Variants in BCAT1 observed in about 807,000 individuals in gnomAD.
The protein encoded by BCAT1 is branched-chain-amino-acid aminotransferase, cytosolic.
In BCAT1, 48 loss-of-function variants were observed where a neutral mutation model predicts 52.4. The observed-to-expected ratio is 0.92, with a 90% CI of 0.73 to 1.16. BCAT1 has a LOEUF of 1.16. BCAT1 is among the 50% of genes most tolerant of loss of function. BCAT1 has a pLI of 0.00. For missense variants in BCAT1, 451 were observed against 457.1 expected, an observed-to-expected ratio of 0.99 and a Z score of 0.12; for synonymous variants, 167 against 161.3, an observed-to-expected ratio of 1.04 and a Z score of -0.27.
intron 6 of BCAT1, among the ~76,000 whole-genome samples, chr12:24,845,672 G>A (rs1941323462): frequency 1.3e-5 from 2 of 152,096 alleles, no homozygotes; most frequent in Admixed American, 1.3e-4. Context: ...TATCTCATTG[G>A]GTTGCTTGGA....
intron 5 of BCAT1, among the ~76,000 whole-genome samples, chr12:24,876,947 C>T (rs1165470441): frequency 2.0e-5 from 3 of 151,342 alleles, no homozygotes; most frequent in Non-Finnish European, 4.4e-5. Context: ...TACCCTGGAA[C>T]TTAAAAGCTG....
chr12:24,930,729 A>C (rs1172752782), intron 1 of BCAT1, among the ~76,000 whole-genome samples: 2 of 152,080 alleles, frequency 1.3e-5, no homozygotes, highest in African/African-American at 2.4e-5. Context: ...CTTTCTGTTC[A>C]ATTTCCAGCC....
chr12:24,929,165 G>C (rs780907807), intron 1 of BCAT1, among the ~76,000 whole-genome samples: 1 of 152,182 alleles, frequency 6.6e-6, no homozygotes, highest in Non-Finnish European at 1.5e-5. Context: ...TTGAAATTCT[G>C]TTAAGCTTCC....
chr12:24,821,299 T>C (rs151156137), intron 10 of BCAT1, among the ~76,000 whole-genome samples: 175 of 152,312 alleles, frequency 1.1e-3, no homozygotes, highest in African/African-American at 4.1e-3. Flanking sequence ...CAGATCCTGC[T>C]CCTATCTCAT....
chr12:24,935,458 G>A (rs1350498446), intron 1 of BCAT1, among the ~76,000 whole-genome samples: 1 of 152,060 alleles, frequency 6.6e-6, no homozygotes, highest in Non-Finnish European at 1.5e-5. Flanking sequence ...CAGACCCCTA[G>A]TCCAAGTCAC....
chr12:24,822,730 T>C (rs1398889314), intron 10 of BCAT1, among the ~76,000 whole-genome samples: 1 of 152,224 alleles, frequency 6.6e-6, no homozygotes, highest in Non-Finnish European at 1.5e-5. Flanking sequence ...AGTTCTGGTT[T>C]GTGGTTAGTT....
intron 10 of BCAT1, among the ~76,000 whole-genome samples, chr12:24,820,840 C>T (rs771851944): frequency 6.6e-6 from 1 of 152,064 alleles, no homozygotes; most frequent in Admixed American, 6.6e-5. Flanking sequence ...TTGCTAAATG[C>T]CTTTAAATTC....
intron 8 of BCAT1, chr12:24,834,802 T>C: frequency 8.7e-7 from 1 of 1,152,630 alleles, no homozygotes; most frequent in East Asian, 8.3e-5. Context: ...AGCTGAGTTC[T>C]GTGTCCTGAA....
intron 9 of BCAT1, among the ~76,000 whole-genome samples, chr12:24,832,292 T>C (rs1175183057): frequency 6.6e-6 from 1 of 152,214 alleles, no homozygotes; most frequent in Non-Finnish European, 1.5e-5. Flanking sequence ...CTTCCCACCA[T>C]GTTTAAGCTT....
chr12:24,861,642 T>G (rs1027406396), intron 5 of BCAT1, among the ~76,000 whole-genome samples: 19 of 152,206 alleles, frequency 1.2e-4, no homozygotes, highest in African/African-American at 4.6e-4. Flanking sequence ...CTGCAAATTT[T>G]GGGATTAAGG....
intron 5 of BCAT1, among the ~76,000 whole-genome samples, chr12:24,854,435 TA>T (rs1340023201): frequency 1.3e-5 from 2 of 152,166 alleles, no homozygotes; most frequent in Non-Finnish European, 2.9e-5. Flanking sequence ...TTTAAAAAAC[TA>T]CTGCCAGTTG....
Position 24,832,710 on chromosome 12 carries a change from A to C in BCAT1, c.1044+13T>G. On this transcript the variant is annotated intron_variant, in intron 9 of 10. Transcript: ENST00000261192. ...ATTGGAAATGATAGGAAATGAGGAA[A>C]TACTTGTCGTACCTCGCCTTTGTAC... is the stretch of plus-strand genomic sequence containing the variant. 1 of 1,596,000 alleles carries C rather than the reference A, an allele frequency of 6.3e-7. No homozygotes were observed. Among genetic ancestry groups the C allele is most frequent in the Non-Finnish European group, 8.5e-7 (1 of 1,170,954 alleles).
At chr12:24,915,642 A>C (rs1221409387) in intron 1 of BCAT1, among the ~76,000 whole-genome samples, 6 of 152,252 alleles carry the variant, frequency 3.9e-5, no homozygotes, top group African/African-American at 1.4e-4. Flanking sequence ...AACCCTGGTA[A>C]GATCCAGCAC....
chr12:24,824,855 T>C (rs1235238128), intron 10 of BCAT1, among the ~76,000 whole-genome samples: 1 of 152,178 alleles, frequency 6.6e-6, no homozygotes, highest in African/African-American at 2.4e-5. Context: ...AAATGTTCAG[T>C]TTAATGGTAA....
chr12:24,816,772 T>C lies in BCAT1; in HGVS notation c.*1236A>G, dbSNP rs1939890864. On this transcript the variant is annotated 3_prime_UTR_variant, in exon 11 of 11. Transcript: ENST00000261192. ...ACAGACTGCAGGGTGAAGGGTGGTT[T>C]CAGGATGAAACTGTTACACCTCAGG... 5.1e-6 allele frequency: 2 copies of C among 390,358 alleles called. No individual in the cohort carries two copies. Among genetic ancestry groups the C allele is most frequent in the East Asian group, 7.2e-5 (2 of 27,786 alleles). The allele number at this position is 390,358 out of a possible 1,614,324, so 24.2% of individuals were successfully genotyped here.
chr12:24,887,450 C>G (rs1043239925), intron 3 of BCAT1, among the ~76,000 whole-genome samples: 1 of 152,078 alleles, frequency 6.6e-6, no homozygotes, highest in Non-Finnish European at 1.5e-5. Context: ...AAAATATATA[C>G]ATTTTTTCAT....
At chr12:24,901,952 G>T (rs138928580) in intron 1 of BCAT1, 67 bp from the exon 2 acceptor site, 7 of 1,612,712 alleles carry the variant, frequency 4.3e-6, no homozygotes, top group Non-Finnish European at 8.5e-7. Flanking sequence ...GGTAACCTAC[G>T]TGACGCTCAC....
chr12:24,938,128 G>A (rs191512499), intron 1 of BCAT1, among the ~76,000 whole-genome samples: 74 of 152,278 alleles, frequency 4.9e-4, no homozygotes, highest in African/African-American at 1.6e-3. Flanking sequence ...AGGGACTGGG[G>A]TGTCTTCCAA....
chr12:24,878,653 A>G lies in BCAT1; in HGVS notation c.391-4T>C. The G allele has an allele frequency of 6.3e-7, 1 of 1,596,166 alleles. No homozygotes were observed. On this transcript the variant is annotated splice_polypyrimidine_tract_variant and splice_region_variant and intron_variant, in intron 4 of 10. Coordinates refer to ENST00000261192, the MANE Select transcript of BCAT1 (RefSeq NM_005504.7). Reference sequence around the variant, plus strand: ...AGAGCTCTTCTTTGTCAAATACCTGAAAGAATGAAAAACATAATAAATGAC... The same window carrying G: ...AGAGCTCTTCTTTGTCAAATACCTGGAAGAATGAAAAACATAATAAATGAC...
Sources: allele counts gnomAD v4.1 joint callset (sites outside exome capture counted in the v4.1 genomes callset), GRCh38; gene constraint gnomAD v4.1.1; transcripts MANE v1.5; gene names NCBI Gene and HGNC (gene_info 2026-07-23, HGNC 2026-07-21).